The following PTH2R variants were observed in gnomAD, a reference collection of about 807,000 sequenced individuals.
The protein encoded by PTH2R is parathyroid hormone 2 receptor.
PTH2R carries 59 observed loss-of-function variants against 60.3 expected under a neutral mutation model. The observed-to-expected ratio is 0.98, with a 90% CI of 0.79 to 1.22. The LOEUF (loss-of-function observed/expected upper bound fraction) is 1.22, where lower values mean the gene tolerates loss of function less well. Ranked by LOEUF, PTH2R falls within the 50% of genes most tolerant of loss-of-function variation. The pLI is 0.00. For synonymous variants in PTH2R, 256 were observed against 243.8 expected, an observed-to-expected ratio of 1.05 and a Z score of -0.47; for missense variants, 749 against 682.6, an observed-to-expected ratio of 1.10 and a Z score of -1.08.
chr2:208,486,000 T>C (rs1360605875), intron 10 of PTH2R, among the ~76,000 whole-genome samples: 3 of 152,178 alleles, frequency 2.0e-5, no homozygotes, highest in Non-Finnish European at 4.4e-5. Flanking sequence ...GACCACTGGT[T>C]GACAGCCAAA....
At chr2:208,446,235 G>A (rs1702285707) in intron 7 of PTH2R, among the ~76,000 whole-genome samples, 1 of 151,800 alleles carries the variant, frequency 6.6e-6, no homozygotes. Flanking sequence ...TCTTTATTTG[G>A]GCTTTATCAC....
rs770025395 is a variant in PTH2R, at chr2:208,466,998, A to AT, written c.981+7045dup. ...GTTATTGTAAATTGATTTTGTTCTTATTTTTTTTGGATAGTTCATTGTTTG... is the reference window on the plus strand; with the variant it reads ...GTTATTGTAAATTGATTTTGTTCTTATTTTTTTTTGGATAGTTCATTGTTTG... On this transcript the variant is annotated intron_variant, in intron 9 of 12. Coordinates refer to ENST00000272847, the MANE Select transcript of PTH2R (RefSeq NM_005048.4). Among the ~76,000 whole-genome samples, 6 of 151,374 alleles carry AT rather than the reference A, an allele frequency of 4.0e-5. No individual in the cohort carries two copies. The East Asian group carries it at 5.8e-4, about 15-fold the overall frequency.
rs1485411596 is a variant in PTH2R at position 208,494,397 on chromosome 2, G to T, written c.*738G>T. ...TTGTGTCTGCAAATTGATTTTGTTTGTAATGTATTTTGATAGCAAATCATG... is the reference window on the plus strand; with the variant it reads ...TTGTGTCTGCAAATTGATTTTGTTTTTAATGTATTTTGATAGCAAATCATG... On this transcript the variant is annotated 3_prime_UTR_variant, in exon 13 of 13. Transcript: ENST00000272847. 6.6e-6 allele frequency: 1 copy of T among 152,136 alleles called. No homozygotes were observed. Among genetic ancestry groups the T allele is most frequent in the Non-Finnish European group, 1.5e-5 (1 of 68,004 alleles). The allele number at this position is 152,136 out of a possible 1,614,324, so 9.4% of individuals were successfully genotyped here. A position where few individuals can be genotyped will look rare whatever the true frequency, so the allele number is the denominator to read the frequency against.
chr2:208,395,733 G>A lies in PTH2R; in HGVS notation c.-258-32468G>A, dbSNP rs140570786. On this transcript the variant is annotated intron_variant, in intron 1 of 12. Coordinates refer to the PTH2R transcript ENST00000617735. ...GGTCCCTCATGAAAATGGCCATACT[G>A]CCCAAGGTAATTTATAGATTCAATG... is the stretch of plus-strand genomic sequence containing the variant. 0.014 allele frequency among the ~76,000 whole-genome samples: 2,143 copies of A among 152,230 alleles called. 188 individuals carry two copies. In the East Asian group the frequency reaches 0.25, roughly 18 times the overall value.
intron 10 of PTH2R, among the ~76,000 whole-genome samples, chr2:208,483,084 C>T (rs1574913741): frequency 6.6e-6 from 1 of 152,260 alleles, no homozygotes; most frequent in East Asian, 1.9e-4. Flanking sequence ...AGGGGGGGTC[C>T]CTGCAGGTAG....
intron 1 of PTH2R, among the ~76,000 whole-genome samples, chr2:208,426,739 C>T (rs1339336304): frequency 6.6e-6 from 1 of 152,188 alleles, no homozygotes; most frequent in East Asian, 1.9e-4. Context: ...CCTCCTTCTC[C>T]TTTGCCCTCT....
chr2:208,396,422 G>T (rs1403580379), intron 1 of PTH2R, among the ~76,000 whole-genome samples: 1 of 151,948 alleles, frequency 6.6e-6, no homozygotes, highest in Non-Finnish European at 1.5e-5. Context: ...TCTGACAAAG[G>T]GCTAATATCC....
intron 1 of PTH2R, among the ~76,000 whole-genome samples, chr2:208,415,708 C>T (rs921262887): frequency 7.9e-5 from 12 of 152,108 alleles, no homozygotes; most frequent in African/African-American, 2.7e-4. Context: ...GCAATCATTA[C>T]AGTATTCCCA....
intron 2 of PTH2R, among the ~76,000 whole-genome samples, chr2:208,429,649 A>G (rs569665965): frequency 1.7e-3 from 263 of 152,278 alleles, no homozygotes; most frequent in Middle Eastern, 3.4e-3. Flanking sequence ...CATTAAATTT[A>G]CCATTAAAAT....
intron 1 of PTH2R, among the ~76,000 whole-genome samples, chr2:208,398,194 C>T (rs1701247809): frequency 6.6e-6 from 1 of 152,116 alleles, no homozygotes; most frequent in Non-Finnish European, 1.5e-5. Flanking sequence ...TTTCTTTTGT[C>T]TCAGAATGAA....
In PTH2R at chr2:208,428,204, G is replaced by A; in HGVS notation, c.79G>A (p.Asp27Asn). 6.2e-7 allele frequency: 1 copy of A among 1,609,190 alleles called. No homozygotes were observed. Among genetic ancestry groups the A allele is most frequent in the East Asian group, 2.2e-5 (1 of 44,834 alleles). ...GSCLLARAQL[D>N]SDGTITIEEQ... is the part of the protein sequence containing the mutation. Reference sequence around the variant, plus strand: ...TGTATTTTGTTCACTTCTACAGCTGGATTCTGATGGCACCATTACTATAGA... The same window carrying A: ...TGTATTTTGTTCACTTCTACAGCTGAATTCTGATGGCACCATTACTATAGA... The change falls in exon 2 of 13, where the codon GAT becomes AAT. Residue 27 changes from aspartate to asparagine, a missense_variant. Asp to Asn is a conservative substitution (Grantham distance 23, BLOSUM62 1). Transcript: ENST00000272847.
intron 8 of PTH2R, among the ~76,000 whole-genome samples, chr2:208,455,275 G>A (rs1003530798): frequency 5.3e-5 from 8 of 152,156 alleles, no homozygotes; most frequent in Non-Finnish European, 1.2e-4. Flanking sequence ...TCTGAGATGT[G>A]TAACTGTATG....
Position 208,493,545 on chromosome 2 carries a change from C to G in PTH2R, c.1539C>G (p.Thr513=). ...TGCCACACTCTTTCCACGAGGAGACCAAGGAAGATAGTGGGAGGCAGGGAG... is the reference window on the plus strand; with the variant it reads ...TGCCACACTCTTTCCACGAGGAGACGAAGGAAGATAGTGGGAGGCAGGGAG... ...DCLPHSFHEE[T]KEDSGRQGDD... is the part of the protein sequence containing the mutation. Residue 513 remains threonine (T), a synonymous_variant, in exon 13 of 13, where the codon ACC becomes ACG. Coordinates refer to ENST00000272847, the MANE Select transcript of PTH2R (RefSeq NM_005048.4). The G allele has an allele frequency of 6.2e-7, 1 of 1,613,866 alleles. No individual in the cohort carries two copies. Among genetic ancestry groups the G allele is most frequent in the Non-Finnish European group, 8.5e-7 (1 of 1,179,844 alleles).
chr2:208,481,131 A>G lies in PTH2R; in HGVS notation c.1043A>G (p.Asn348Ser), dbSNP rs758456819. 2.6e-5 allele frequency: 42 copies of G among 1,611,766 alleles called. No homozygotes were observed. The Middle Eastern group carries it at 4.9e-4, about 19-fold the overall frequency. The change falls in exon 10 of 13, where the codon AAT becomes AGT. Residue 348 changes from asparagine (N) to serine (S), a missense_variant. Asn to Ser is a conservative substitution (Grantham distance 46). Coordinates refer to ENST00000272847, the MANE Select transcript of PTH2R (RefSeq NM_005048.4). The stretch of plus-strand genomic sequence containing the variant: ...CTAGCTACCAAAATCTGGGAGACCA[A>G]TGCAGTTGGGCATGACACAAGGAAG... Reference protein sequence around the residue: ...RVLATKIWETNAVGHDTRKQY... With the variant: ...RVLATKIWETSAVGHDTRKQY...
intron 1 of PTH2R, among the ~76,000 whole-genome samples, chr2:208,380,918 G>T (rs1700901773): frequency 6.6e-6 from 1 of 152,040 alleles, no homozygotes; most frequent in Admixed American, 6.5e-5. Flanking sequence ...GCATATTGGT[G>T]AGAAAATGGA....
intron 12 of PTH2R, among the ~76,000 whole-genome samples, chr2:208,491,064 C>T (rs1477548740): frequency 1.3e-5 from 2 of 152,070 alleles, no homozygotes; most frequent in Non-Finnish European, 2.9e-5. Context: ...GTTTTTTGAA[C>T]TATAAGATGA....
At chr2:208,372,183 G>C (rs1700714750) in intron 1 of PTH2R, among the ~76,000 whole-genome samples, 1 of 151,996 alleles carries the variant, frequency 6.6e-6, no homozygotes, top group Admixed American at 6.6e-5. Flanking sequence ...GGCCTCCCAA[G>C]GTGCTGGGAT....
intron 1 of PTH2R, among the ~76,000 whole-genome samples, chr2:208,385,780 A>T (rs1049848174): frequency 6.6e-6 from 1 of 152,266 alleles, no homozygotes; most frequent in Non-Finnish European, 1.5e-5. Flanking sequence ...GTGAAGACTT[A>T]GACACAGAAT....
At chr2:208,437,392 T>C (rs1435479746) in intron 2 of PTH2R, 145 bp from the exon 3 acceptor site, 1 of 584,188 alleles carries the variant, frequency 1.7e-6, no homozygotes, top group Non-Finnish European at 2.9e-6. Flanking sequence ...GCATCATATC[T>C]ATTCTATCTA....
Sources: gnomAD v4.1 joint callset for allele counts (sites outside exome capture counted in the v4.1 genomes callset) on GRCh38, gnomAD v4.1.1 for gene constraint, MANE v1.5 for transcripts, NCBI Gene and HGNC (gene_info 2026-07-23, HGNC 2026-07-21) for gene names.